The following SENP6 variants were observed in gnomAD, a reference collection of about 807,000 sequenced individuals.
SENP6 encodes sentrin-specific protease 6.
In SENP6, 41 loss-of-function variants were observed where a neutral mutation model predicts 134.5. The ratio of observed to expected loss-of-function variants is 0.30; its 90% confidence interval spans 0.24 to 0.40. The LOEUF is 0.40. Ranked by LOEUF, SENP6 falls within the 10% of genes least tolerant of loss-of-function variation. The probability of loss-of-function intolerance (pLI) is 1.00; values close to 1 mark genes in which losing one functional copy is unlikely to be tolerated. For missense variants in SENP6, 1,248 were observed against 1,312.5 expected (o/e 0.95, Z 0.76); for synonymous variants, 395 against 429.8 (o/e 0.92, Z 1.00).
intron 7 of SENP6, among the ~76,000 whole-genome samples, chr6:75,652,603 G>A (rs1484124264): frequency 4.1e-5 from 6 of 146,226 alleles, no homozygotes; most frequent in Admixed American, 1.4e-4. Context: ...TTGGGAGGCC[G>A]AGGCAGGTGG....
Position 75,703,034 on chromosome 6 carries a change from G to A in SENP6, c.2678G>A (p.Gly893Asp). The change falls in exon 19 of 24, where the codon GGC (glycine) becomes GAC (aspartate). Residue 893 changes from glycine (G) to aspartate (D), a missense_variant. Gly to Asp is a moderately conservative substitution (Grantham distance 94). Transcript: ENST00000447266. ...KVADRTKSEN[G>D]LQNESLSSTH... The stretch of plus-strand genomic sequence containing the variant: ...GCTGATAGGACTAAAAGTGAGAATG[G>A]CCTACAGAATGAAAGTTTAAGTTCC... 1 of 1,611,380 alleles carries A rather than the reference G, an allele frequency of 6.2e-7. No homozygotes were observed. The highest frequency in any genetic ancestry group is 8.5e-7 in the Non-Finnish European group (1 of 1,179,206).
At chr6:75,614,535 G>A (rs1018590024) in intron 1 of SENP6, among the ~76,000 whole-genome samples, 13 of 152,120 alleles carry the variant, frequency 8.5e-5, no homozygotes, top group African/African-American at 2.9e-4. Flanking sequence ...CAAAGTGCTA[G>A]GATTACAGGC....
intron 16 of SENP6, among the ~76,000 whole-genome samples, chr6:75,691,997 C>T (rs777913957): frequency 1.3e-5 from 2 of 152,116 alleles, no homozygotes; most frequent in Non-Finnish European, 2.9e-5. Flanking sequence ...GCTGGGATTA[C>T]AGGCATGTGC....
At chr6:75,656,462 TC>T (rs1771347277) in intron 7 of SENP6, among the ~76,000 whole-genome samples, 1 of 152,160 alleles carries the variant, frequency 6.6e-6, no homozygotes, top group Non-Finnish European at 1.5e-5. Context: ...TAGTAAAACT[TC>T]CACAGGCCAC....
At chr6:75,662,484 T>A (rs752618208) in intron 8 of SENP6, among the ~76,000 whole-genome samples, 46 of 152,186 alleles carry the variant, frequency 3.0e-4, no homozygotes, top group Non-Finnish European at 5.3e-4. Context: ...ATAAAATTTT[T>A]ATGAAAATTT....
intron 5 of SENP6, among the ~76,000 whole-genome samples, chr6:75,639,364 T>A (rs1049311227): frequency 4.6e-5 from 7 of 152,080 alleles, no homozygotes; most frequent in African/African-American, 1.7e-4. Flanking sequence ...ATTTATAATA[T>A]TCTTTTCCTT....
At chr6:75,643,449 A>T (rs1582747302) in intron 6 of SENP6, among the ~76,000 whole-genome samples, 1 of 152,246 alleles carries the variant, frequency 6.6e-6, no homozygotes, top group South Asian at 2.1e-4. Flanking sequence ...AGGATAAAGG[A>T]GCACATTTTG....
intron 7 of SENP6, among the ~76,000 whole-genome samples, chr6:75,658,941 C>T (rs181865894): frequency 2.5e-4 from 32 of 128,858 alleles, no homozygotes; most frequent in African/African-American, 8.7e-4. Context: ...CACTGAACTC[C>T]GGCCTAGGTG....
At chr6:75,667,287 A>AT (rs1441571543) in intron 10 of SENP6, among the ~76,000 whole-genome samples, 1 of 152,174 alleles carries the variant, frequency 6.6e-6, no homozygotes, top group Non-Finnish European at 1.5e-5. Context: ...TATGTTTTAT[A>AT]TTTTACTATA....
chr6:75,678,959 ATCTTTAACAT>A, intron 16 of SENP6, 32 bp downstream of exon 16: 1 of 1,024,108 alleles, frequency 9.8e-7, no homozygotes, highest in Non-Finnish European at 1.5e-6. Context: ...CTTTTATTAA[ATCTTTAACAT>A]TCCGTCATAT....
chr6:75,706,611 CCTT>C (rs1412609501), intron 19 of SENP6, among the ~76,000 whole-genome samples: 1 of 152,104 alleles, frequency 6.6e-6, no homozygotes, highest in Non-Finnish European at 1.5e-5. Context: ...ATGTAGTTTG[CCTT>C]CTTAATACTT....
At chr6:75,628,093 A>G (rs1036442803) in intron 3 of SENP6, among the ~76,000 whole-genome samples, 2 of 152,234 alleles carry the variant, frequency 1.3e-5, no homozygotes, top group African/African-American at 2.4e-5. Flanking sequence ...AGTGAACTGT[A>G]AAGATTATTC....
intron 5 of SENP6, among the ~76,000 whole-genome samples, chr6:75,635,210 C>T (rs1769420368): frequency 6.6e-6 from 1 of 152,092 alleles, no homozygotes. Flanking sequence ...AAACAAGTCA[C>T]ATTAGTTTTA....
chr6:75,604,984 A>T (rs1484176573), intron 1 of SENP6, among the ~76,000 whole-genome samples: 1 of 152,128 alleles, frequency 6.6e-6, no homozygotes, highest in African/African-American at 2.4e-5. Context: ...GAGGCAGGAG[A>T]ATCACCTGAA....
intron 7 of SENP6, among the ~76,000 whole-genome samples, chr6:75,651,939 G>A (rs1770901162): frequency 6.6e-6 from 1 of 152,066 alleles, no homozygotes; most frequent in African/African-American, 2.4e-5. Context: ...ATTTGGGGAG[G>A]CCAAGGCAGG....
chr6:75,676,980 TA>T, intron 13 of SENP6, 49 bp from the exon 14 acceptor site: 1 of 839,558 alleles, frequency 1.2e-6, no homozygotes, highest in Non-Finnish European at 1.8e-6. Context: ...TAAAAGTATC[TA>T]TTTACTTCTT....
intron 16 of SENP6, among the ~76,000 whole-genome samples, chr6:75,685,455 A>G (rs893366548): frequency 6.6e-6 from 1 of 151,906 alleles, no homozygotes; most frequent in South Asian, 2.1e-4. Context: ...TTGCTTCTCT[A>G]GTTTTTTAAA....
intron 2 of SENP6, 54 bp downstream of exon 2, chr6:75,621,679 A>G: frequency 1.9e-6 from 2 of 1,046,970 alleles, no homozygotes; most frequent in South Asian, 2.8e-5. Context: ...TTCTCATTAG[A>G]AAAACAATTT....
chr6:75,621,845 G>A (rs1002911949), intron 2 of SENP6, among the ~76,000 whole-genome samples: 3 of 152,084 alleles, frequency 2.0e-5, no homozygotes, highest in African/African-American at 7.2e-5. Flanking sequence ...TATGCTTGTA[G>A]TACATGTAAC....
Sources: gnomAD v4.1 joint callset for allele counts (sites outside exome capture counted in the v4.1 genomes callset) on GRCh38, gnomAD v4.1.1 for gene constraint, MANE v1.5 for transcripts, NCBI Gene and HGNC (gene_info 2026-07-23, HGNC 2026-07-21) for gene names.